NLRP1: variants seen among roughly 807,000 people sequenced by gnomAD.
The protein encoded by NLRP1 is NACHT, LRR and PYD domains-containing protein 1.
In NLRP1, 94 loss-of-function variants were observed where a neutral mutation model predicts 136.7. That is an observed-to-expected ratio of 0.69 (90% CI 0.58 to 0.82). The LOEUF (loss-of-function observed/expected upper bound fraction) is 0.82. NLRP1 is among the 40% of genes least tolerant of loss of function. The pLI is 0.00. For missense variants in NLRP1, 1,575 were observed against 1,802.7 expected (o/e 0.87, Z 2.29); for synonymous variants, 690 against 725.1 (o/e 0.95, Z 0.78).
In NLRP1 at chr17:5,583,838, C is replaced by T. The variant is rs2151832927; in HGVS notation, c.120G>A (p.Glu40=). The T allele has an allele frequency of 1.3e-6, 2 of 1,568,168 alleles. No homozygotes were observed. The highest frequency in any genetic ancestry group is 4.7e-5 in the East Asian group (2 of 42,460). The part of the protein sequence containing the change: ...NKAHSRSSSG[E]TPAQPEKTSG... Reference sequence around the variant, plus strand: ...TCGTCTTCTCTGGCTGAGCGGGTGTCTCACCCGAAGAGCTCCTGGAGTGCG... The same window carrying T: ...TCGTCTTCTCTGGCTGAGCGGGTGTTTCACCCGAAGAGCTCCTGGAGTGCG... The change falls in exon 1 of 17, where the codon GAG becomes GAA. Residue 40 remains glutamate (E), a synonymous_variant. Coordinates refer to ENST00000572272, the MANE Select transcript of NLRP1 (RefSeq NM_033004.4). The surrounding 1 kb of genome is among the most constrained non-coding windows in gnomAD (Gnocchi z 4.5).
intron 12 of NLRP1, 76 bp downstream of exon 12, chr17:5,530,405 G>A: frequency 7.3e-7 from 1 of 1,370,036 alleles, no homozygotes; most frequent in African/African-American, 1.4e-5. Context: ...CCCTCTCCCA[G>A]GAGATTATCA....
chr17:5,521,589 G>A lies in NLRP1; in HGVS notation c.3718C>T (p.Arg1240Cys), dbSNP rs908019945. ...PVTSVVLLYH[R>C]VHPEEVTFHL... is the part of the protein sequence containing the mutation. ...AAGGTGACTTCCTCAGGATGGACGC[G>A]GTGGTAAAGCAACACCACAGAGGTG... The change falls in exon 13 of 17, where the codon CGC (arginine) becomes TGC (cysteine). Residue 1240 changes from arginine (R) to cysteine (C), a missense_variant. Physicochemically the swap from Arg to Cys is radical, Grantham distance 180 (BLOSUM62 -3). Coordinates refer to ENST00000572272, the MANE Select transcript of NLRP1 (RefSeq NM_033004.4). The A allele has an allele frequency of 5.0e-6, 8 of 1,613,956 alleles. No homozygotes were observed. Among genetic ancestry groups the A allele is most frequent in the Middle Eastern group, 1.7e-4 (1 of 6,048 alleles).
chr17:5,513,628 A>G (rs1038727520), downstream of NLRP1, among the ~76,000 whole-genome samples: 1 of 152,200 alleles, frequency 6.6e-6, no homozygotes, highest in Admixed American at 6.6e-5. Context: ...CTATGCCTCC[A>G]GAGCAGGTAG....
intron 12 of NLRP1, among the ~76,000 whole-genome samples, chr17:5,527,664 A>G (rs145162540): frequency 1.8e-4 from 28 of 152,358 alleles, no homozygotes; most frequent in African/African-American, 6.3e-4. Flanking sequence ...ACTACCTTGC[A>G]TGGTTCCAGG....
intron 3 of NLRP1, among the ~76,000 whole-genome samples, chr17:5,568,028 C>T (rs1380611795): frequency 2.0e-5 from 3 of 151,978 alleles, no homozygotes; most frequent in Non-Finnish European, 2.9e-5. Flanking sequence ...TTATTAAATG[C>T]CTTGAGGTAG....
chr17:5,512,134 C>T (rs777017282), downstream of NLRP1: 338 of 866,078 alleles, frequency 3.9e-4, 2 homozygotes, highest in Non-Finnish European at 5.8e-4. Context: ...TCCCTTTGCC[C>T]ACAGACCAAC....
At chr17:5,582,227 G>C (rs550389389) in intron 2 of NLRP1, among the ~76,000 whole-genome samples, 165 bp from the exon 3 acceptor site, 1 of 152,222 alleles carries the variant, frequency 6.6e-6, no homozygotes, top group African/African-American at 2.4e-5. Context: ...GTAGTGAAGA[G>C]AGAAGTCATG....
chr17:5,531,086 C>G (rs1910175382), intron 11 of NLRP1, among the ~76,000 whole-genome samples: 1 of 152,090 alleles, frequency 6.6e-6, no homozygotes, highest in Non-Finnish European at 1.5e-5. Flanking sequence ...TGTAAGGGGC[C>G]TATTTAGCAA....
chr17:5,548,192 A>G (rs1034349189), intron 5 of NLRP1, among the ~76,000 whole-genome samples: 3 of 152,070 alleles, frequency 2.0e-5, no homozygotes, highest in African/African-American at 4.8e-5. Context: ...CAAACATCCA[A>G]CACCTCAACC....
chr17:5,558,193 T>C (rs1270479033), intron 4 of NLRP1, 146 bp downstream of exon 4: 9 of 765,200 alleles, frequency 1.2e-5, no homozygotes, highest in African/African-American at 7.0e-5. Context: ...GGTGGTCAGA[T>C]TGGGCAGTTA....
downstream of NLRP1, among the ~76,000 whole-genome samples, chr17:5,510,665 C>T (rs1159411185): frequency 6.6e-6 from 1 of 151,604 alleles, no homozygotes; most frequent in Admixed American, 6.6e-5. Flanking sequence ...CTGCATCTGG[C>T]CAAAAAAATG....
chr17:5,577,150 A>C (rs891178658), intron 3 of NLRP1, among the ~76,000 whole-genome samples: 1 of 152,330 alleles, frequency 6.6e-6, no homozygotes, highest in Middle Eastern at 3.4e-3. Context: ...ACCGACAGCC[A>C]ATATCATACT....
chr17:5,561,058 TTTTA>T (rs1370530409), intron 3 of NLRP1, among the ~76,000 whole-genome samples: 2 of 152,224 alleles, frequency 1.3e-5, no homozygotes, highest in African/African-American at 4.8e-5. Context: ...TTTCATTTTA[TTTTA>T]TTTATTTTTT....
rs550364737 is a variant in NLRP1, at chr17:5,583,203, A to G, written c.272-357T>C. ...AACAGCAGCAGCAGCAGCAGCAACAACAGCAATGGGAGATCTTATTTATTG... is the reference window on the plus strand; with the variant it reads ...AACAGCAGCAGCAGCAGCAGCAACAGCAGCAATGGGAGATCTTATTTATTG... On this transcript the variant is annotated intron_variant, in intron 1 of 16. Transcript: ENST00000572272. This position sits in a 1 kb window ranked among gnomAD's most constrained non-coding sequence, Gnocchi z 4.5. Among the ~76,000 whole-genome samples, 8 of 152,300 alleles carry G rather than the reference A, an allele frequency of 5.3e-5. No individual in the cohort carries two copies. Among genetic ancestry groups the G allele is most frequent in the Middle Eastern group, 3.4e-3 (1 of 294 alleles).
downstream of NLRP1, among the ~76,000 whole-genome samples, chr17:5,511,347 G>T (rs770442569): frequency 6.6e-6 from 1 of 151,456 alleles, no homozygotes; most frequent in Non-Finnish European, 1.5e-5. Context: ...CAGGAGAATC[G>T]TTTGAACCCG....
At chr17:5,560,991 CTTCTG>C (rs1914672037) in intron 3 of NLRP1, among the ~76,000 whole-genome samples, 1 of 152,252 alleles carries the variant, frequency 6.6e-6, no homozygotes, top group African/African-American at 2.4e-5. Flanking sequence ...GTTACAACCT[CTTCTG>C]TTCTTTTCTT....
intron 4 of NLRP1, among the ~76,000 whole-genome samples, chr17:5,556,711 C>T (rs1265076447): frequency 6.6e-6 from 1 of 151,898 alleles, no homozygotes; most frequent in Non-Finnish European, 1.5e-5. Flanking sequence ...CAACCTCTGC[C>T]CCTGACCTGT....
At chr17:5,531,070 C>T (rs898678132) in intron 11 of NLRP1, among the ~76,000 whole-genome samples, 7 of 152,028 alleles carry the variant, frequency 4.6e-5, no homozygotes, top group South Asian at 2.1e-4. Context: ...AACAAGTGTT[C>T]GTATATGTAA....
chr17:5,561,041 A>G (rs943506185), intron 3 of NLRP1, among the ~76,000 whole-genome samples: 6 of 152,136 alleles, frequency 3.9e-5, no homozygotes, highest in Non-Finnish European at 8.8e-5. Flanking sequence ...TTCTCTCCTT[A>G]GGTGAATTTC....
Sources: allele counts gnomAD v4.1 joint callset (sites outside exome capture counted in the v4.1 genomes callset), GRCh38; gene constraint gnomAD v4.1.1; non-coding constraint Gnocchi (gnomAD v3.1); transcripts MANE v1.5; gene names NCBI Gene and HGNC (gene_info 2026-07-23, HGNC 2026-07-21).